The following GTF2I variants were observed in gnomAD, a reference collection of about 807,000 sequenced individuals.
The protein encoded by GTF2I is general transcription factor II-I.
In GTF2I, 12 loss-of-function variants were observed where a neutral mutation model predicts 67.6. That is an observed-to-expected ratio of 0.18 (90% CI 0.11 to 0.29). The LOEUF (loss-of-function observed/expected upper bound fraction) is 0.29. GTF2I is among the 10% of genes least tolerant of loss of function. The pLI, the probability that GTF2I is intolerant of heterozygous loss-of-function variation, is 1.00. For synonymous variants in GTF2I, 149 were observed against 197.0 expected (o/e 0.76, Z 2.04); for missense variants, 271 against 580.1 (o/e 0.47, Z 5.47).
At chr7:74,660,869 C>G (rs782170274) in intron 1 of GTF2I, among the ~76,000 whole-genome samples, 1 of 152,080 alleles carries the variant, frequency 6.6e-6, no homozygotes, top group African/African-American at 2.4e-5. Context: ...GCCTTTTCCT[C>G]CTATGTCTTT....
At chr7:74,708,710 A>G (rs1791110106) in intron 8 of GTF2I, among the ~76,000 whole-genome samples, 2 of 152,162 alleles carry the variant, frequency 1.3e-5, no homozygotes, top group Non-Finnish European at 2.9e-5. Flanking sequence ...GCCAGCTGCT[A>G]TGCAGAGCTC....
At chr7:74,709,321 T>C (rs1049844027) in intron 8 of GTF2I, among the ~76,000 whole-genome samples, 1 of 152,188 alleles carries the variant, frequency 6.6e-6, no homozygotes, top group Non-Finnish European at 1.5e-5. Flanking sequence ...CGATCTCGGC[T>C]CACCACAACC....
chr7:74,698,181 T>G (rs1427198087), intron 3 of GTF2I, among the ~76,000 whole-genome samples: 1 of 151,990 alleles, frequency 6.6e-6, no homozygotes, highest in Non-Finnish European at 1.5e-5. Flanking sequence ...GGTCTCGATC[T>G]CCTGACCTCG....
intron 14 of GTF2I, among the ~76,000 whole-genome samples, chr7:74,731,880 T>C (rs1794518024): frequency 6.6e-6 from 1 of 151,686 alleles, no homozygotes; most frequent in South Asian, 2.1e-4. Flanking sequence ...AAGCAAAAAC[T>C]TCATAGCATG....
chr7:74,706,490 G>A, intron 8 of GTF2I, 57 bp downstream of exon 8: 2 of 1,298,408 alleles, frequency 1.5e-6, no homozygotes, highest in East Asian at 4.6e-5. Context: ...TTTCCTTAGT[G>A]TAGAAGTTTA....
At chr7:74,704,449 C>T (rs1007696078) in intron 6 of GTF2I, among the ~76,000 whole-genome samples, 5 of 152,050 alleles carry the variant, frequency 3.3e-5, no homozygotes, top group Middle Eastern at 3.4e-3. Flanking sequence ...CGCCACCACA[C>T]CTGGCTAATT....
chr7:74,726,852 G>GATA (rs1432708444), intron 12 of GTF2I: 1 of 150,446 alleles, frequency 6.6e-6, no homozygotes, highest in Non-Finnish European at 1.5e-5. Context: ...TAGATAGATA[G>GATA]ATAGATAGAT....
At chr7:74,722,173 C>G (rs376081517) in intron 12 of GTF2I, among the ~76,000 whole-genome samples, 1 of 152,148 alleles carries the variant, frequency 6.6e-6, no homozygotes, top group Non-Finnish European at 1.5e-5. Context: ...GACACCGACG[C>G]GGACGTGTTT....
chr7:74,697,520 G>GT (rs1789049322), intron 3 of GTF2I, among the ~76,000 whole-genome samples: 1 of 152,190 alleles, frequency 6.6e-6, no homozygotes, highest in South Asian at 2.1e-4. Flanking sequence ...AGTGCCACAT[G>GT]TATCTATTTG....
At chr7:74,709,261 T>G (rs1791193885) in intron 8 of GTF2I, among the ~76,000 whole-genome samples, 1 of 152,188 alleles carries the variant, frequency 6.6e-6, no homozygotes, top group Admixed American at 6.5e-5. Flanking sequence ...TTTATTTATA[T>G]TTTTTGAGAC....
At chr7:74,687,113 A>G (rs1787807707) in intron 1 of GTF2I, among the ~76,000 whole-genome samples, 1 of 151,294 alleles carries the variant, frequency 6.6e-6, no homozygotes, top group African/African-American at 2.4e-5. Flanking sequence ...ATGGTCTCGA[A>G]CTCCTGGCCT....
At chr7:74,728,355 G>T (rs1373625066) in intron 12 of GTF2I, among the ~76,000 whole-genome samples, 2 of 151,416 alleles carry the variant, frequency 1.3e-5, no homozygotes, top group East Asian at 3.9e-4. Flanking sequence ...AATTTCCCTT[G>T]CTTATGCATG....
In GTF2I at chr7:74,662,511, C is replaced by CTTTTTTTT. The variant is rs1161320476; in HGVS notation, c.-6+4465_-6+4472dup. On this transcript the variant is annotated intron_variant, in intron 1 of 34. Coordinates refer to ENST00000573035, the MANE Select transcript of GTF2I (RefSeq NM_032999.4). ...AGGCGTGAGCCACTGCACCTGGACCCTTTTTTTTTTTTTTTTTTTTTTTTT... is the reference window on the plus strand; with the variant it reads ...AGGCGTGAGCCACTGCACCTGGACCCTTTTTTTTTTTTTTTTTTTTTTTTTTTTTTTTT... Among the ~76,000 whole-genome samples the CTTTTTTTT allele has an allele frequency of 5.5e-3, 276 of 50,218 alleles. 63 individuals are homozygous for CTTTTTTTT. Among genetic ancestry groups the CTTTTTTTT allele is most frequent in the African/African-American group, 0.019 (224 of 12,048 alleles). 32.9% of individuals were successfully genotyped at this position (50,218 alleles called of 152,430 possible). A position where few individuals can be genotyped will look rare whatever the true frequency, so the allele number is the denominator to read the frequency against.
At chr7:74,720,373 C>T (rs1211748100) in intron 12 of GTF2I, among the ~76,000 whole-genome samples, 2 of 152,166 alleles carry the variant, frequency 1.3e-5, no homozygotes, top group Non-Finnish European at 2.9e-5. Context: ...AACTACTCAA[C>T]GTGTCTGTCT....
intron 12 of GTF2I, among the ~76,000 whole-genome samples, chr7:74,724,539 G>A (rs1793513272): frequency 6.6e-6 from 1 of 152,158 alleles, no homozygotes; most frequent in African/African-American, 2.4e-5. Flanking sequence ...AGTTAGGGAC[G>A]GTGTTGCCAA....
intron 3 of GTF2I, 26 bp from the exon 4 acceptor site, chr7:74,698,935 T>C: frequency 8.6e-7 from 1 of 1,160,892 alleles, no homozygotes. Context: ...ATTATTTTTT[T>C]ATTTTATTTT....
At chr7:74,682,687 A>G (rs1165840671) in intron 1 of GTF2I, among the ~76,000 whole-genome samples, 1 of 152,220 alleles carries the variant, frequency 6.6e-6, no homozygotes. Context: ...ATAGAAGGGA[A>G]TAAGAACCAT....
chr7:74,691,482 A>AT (rs1788305046), intron 3 of GTF2I, among the ~76,000 whole-genome samples: 1 of 152,228 alleles, frequency 6.6e-6, no homozygotes, highest in African/African-American at 2.4e-5. Flanking sequence ...CAGAGGGATT[A>AT]TAGGCGTGGG....
chr7:74,722,171 C>T (rs1172182954), intron 12 of GTF2I, among the ~76,000 whole-genome samples: 7 of 152,166 alleles, frequency 4.6e-5, no homozygotes, highest in African/African-American at 1.2e-4. Context: ...TTGACACCGA[C>T]GCGGACGTGT....
Sources: gnomAD v4.1 joint callset for allele counts (sites outside exome capture counted in the v4.1 genomes callset) on GRCh38, gnomAD v4.1.1 for gene constraint, MANE v1.5 for transcripts, NCBI Gene and HGNC (gene_info 2026-07-23, HGNC 2026-07-21) for gene names.